Variants in LRRTM4 observed in about 807,000 individuals in gnomAD.
The protein encoded by LRRTM4 is leucine-rich repeat transmembrane neuronal protein 4.
A neutral mutation model predicts 47.6 loss-of-function variants in LRRTM4; 25 were observed. The observed-to-expected ratio is 0.53, with a 90% confidence interval of 0.38 to 0.73. The LOEUF is 0.73. Among genes scored for constraint, LRRTM4 ranks in the 30% least tolerant of loss-of-function variants. LRRTM4 has a pLI of 0.00. For synonymous variants in LRRTM4, 311 were observed against 269.5 expected (o/e 1.15, Z -1.51); for missense variants, 638 against 713.4 (o/e 0.89, Z 1.20).
chr2:76,866,119 T>C (rs1201168659), intron 3 of LRRTM4, among the ~76,000 whole-genome samples: 1 of 152,076 alleles, frequency 6.6e-6, no homozygotes, highest in Non-Finnish European at 1.5e-5. Context: ...TACTATTCCT[T>C]CCAGGTTAGG....
intron 3 of LRRTM4, among the ~76,000 whole-genome samples, chr2:77,091,786 T>C (rs1670650392): frequency 1.3e-5 from 2 of 150,490 alleles, no homozygotes; most frequent in South Asian, 4.2e-4. Flanking sequence ...CCCAAATTTC[T>C]TCCTCATCTG....
intron 3 of LRRTM4, among the ~76,000 whole-genome samples, chr2:77,392,571 A>G (rs546661179): frequency 1.3e-5 from 2 of 152,224 alleles, no homozygotes; most frequent in East Asian, 3.9e-4. Context: ...TCATCTGTAC[A>G]ACATAGATGA....
At chr2:77,511,662 T>G (rs1679007800) in intron 3 of LRRTM4, among the ~76,000 whole-genome samples, 1 of 152,030 alleles carries the variant, frequency 6.6e-6, no homozygotes, top group African/African-American at 2.4e-5. Context: ...AAAGAAAATA[T>G]ACTAATATTT....
At chr2:76,797,398 T>C (rs547989618) in intron 3 of LRRTM4, among the ~76,000 whole-genome samples, 3 of 152,130 alleles carry the variant, frequency 2.0e-5, no homozygotes, top group African/African-American at 7.2e-5. Context: ...TGAAATACTT[T>C]ACAGACAAGC....
At chr2:77,472,325 A>G (rs1004199408) in intron 3 of LRRTM4, among the ~76,000 whole-genome samples, 2 of 152,178 alleles carry the variant, frequency 1.3e-5, no homozygotes, top group African/African-American at 4.8e-5. Flanking sequence ...CATATAATAA[A>G]GAAAATATCT....
intron 3 of LRRTM4, among the ~76,000 whole-genome samples, chr2:77,028,263 A>C (rs1418564096): frequency 6.6e-6 from 1 of 152,178 alleles, no homozygotes; most frequent in East Asian, 1.9e-4. Flanking sequence ...AGATTAGGAA[A>C]GTTGGCTAGT....
At chr2:77,518,037 C>A in intron 3 of LRRTM4, 2 of 1,147,330 alleles carry the variant, frequency 1.7e-6, no homozygotes, top group East Asian at 4.3e-5. Flanking sequence ...TAAGTCCAAC[C>A]CCTGTATACA....
chr2:77,476,986 GTGTGTGTGTGTA>G (rs70956632), intron 3 of LRRTM4, among the ~76,000 whole-genome samples: 28,411 of 149,398 alleles, frequency 0.19, 2,900 homozygotes, highest in South Asian at 0.28. Flanking sequence ...GTGTGTGTGT[GTGTGTGTGTGTA>G]TGTGTGTACT....
At chr2:77,354,641 T>A (rs926891754) in intron 3 of LRRTM4, among the ~76,000 whole-genome samples, 4 of 152,066 alleles carry the variant, frequency 2.6e-5, no homozygotes, top group Non-Finnish European at 5.9e-5. Flanking sequence ...CACTCGTGAT[T>A]TCAGGCAATC....
At chr2:76,763,905 G>A (rs1673356615) in intron 3 of LRRTM4, among the ~76,000 whole-genome samples, 1 of 152,142 alleles carries the variant, frequency 6.6e-6, no homozygotes, top group African/African-American at 2.4e-5. Flanking sequence ...ATTCTTTTTA[G>A]AGAAGATATA....
chr2:77,284,726 T>C (rs1462369130), intron 3 of LRRTM4, among the ~76,000 whole-genome samples: 1 of 152,080 alleles, frequency 6.6e-6, no homozygotes, highest in Non-Finnish European at 1.5e-5. Context: ...TTCACCTCAA[T>C]ATGGTGCTTG....
At chr2:77,263,154 T>A (rs998978519) in intron 3 of LRRTM4, among the ~76,000 whole-genome samples, 2 of 151,918 alleles carry the variant, frequency 1.3e-5, no homozygotes, top group South Asian at 4.2e-4. Context: ...AAGGATGGGG[T>A]TTGGAGAGCT....
At chr2:76,922,382 A>G (rs754890922) in intron 3 of LRRTM4, among the ~76,000 whole-genome samples, 9 of 152,096 alleles carry the variant, frequency 5.9e-5, no homozygotes, top group Non-Finnish European at 8.8e-5. Context: ...GAGAGCGTGC[A>G]CAAAGTGGGA....
intron 3 of LRRTM4, among the ~76,000 whole-genome samples, chr2:76,839,953 G>A (rs911268428): frequency 6.6e-6 from 1 of 152,070 alleles, no homozygotes; most frequent in East Asian, 1.9e-4. Context: ...GAGAATTATT[G>A]GGTGTCTCCT....
chr2:76,863,729 T>A (rs548738028), intron 3 of LRRTM4, among the ~76,000 whole-genome samples: 3 of 152,194 alleles, frequency 2.0e-5, no homozygotes, highest in Admixed American at 6.5e-5. Flanking sequence ...ACCTCCATAT[T>A]AATAGAAAAT....
chr2:76,846,817 A>G (rs1236762910), intron 3 of LRRTM4, among the ~76,000 whole-genome samples: 1 of 152,164 alleles, frequency 6.6e-6, no homozygotes, highest in Non-Finnish European at 1.5e-5. Flanking sequence ...TTTCCTAGAA[A>G]TTTTCATGGA....
intron 3 of LRRTM4, among the ~76,000 whole-genome samples, chr2:77,511,446 A>G (rs928270737): frequency 6.6e-6 from 1 of 151,934 alleles, no homozygotes; most frequent in Non-Finnish European, 1.5e-5. Flanking sequence ...TATAACATTA[A>G]AATATTAGTA....
intron 3 of LRRTM4, among the ~76,000 whole-genome samples, chr2:77,011,971 G>A (rs1034945734): frequency 3.3e-5 from 5 of 152,032 alleles, no homozygotes; most frequent in Non-Finnish European, 5.9e-5. Flanking sequence ...TACAAGGTAA[G>A]TTAACAGATC....
chr2:77,180,844 T>A (rs1673328094), intron 3 of LRRTM4, among the ~76,000 whole-genome samples: 1 of 152,186 alleles, frequency 6.6e-6, no homozygotes, highest in Middle Eastern at 3.4e-3. Flanking sequence ...TGTGTTCCAA[T>A]CTCTTCAGAC....
Sources: allele counts gnomAD v4.1 joint callset (sites outside exome capture counted in the v4.1 genomes callset), GRCh38; gene constraint gnomAD v4.1.1; transcripts MANE v1.5; gene names NCBI Gene and HGNC (gene_info 2026-07-23, HGNC 2026-07-21).